The following RSU1 variants were observed in gnomAD, a reference collection of about 807,000 sequenced individuals.
RSU1 encodes the protein Ras suppressor protein 1.
RSU1 carries 26 observed loss-of-function variants against 31.1 expected under a neutral mutation model. The ratio of observed to expected loss-of-function variants is 0.84; its 90% CI spans 0.61 to 1.16. The LOEUF (loss-of-function observed/expected upper bound fraction) is 1.16. RSU1 is among the 50% of genes most tolerant of loss of function. The probability of loss-of-function intolerance (pLI) is 0.00; values close to 1 mark genes in which losing one functional copy is unlikely to be tolerated. For missense variants in RSU1, 320 were observed against 339.1 expected (o/e 0.94, Z 0.44); for synonymous variants, 164 against 136.3 (o/e 1.20, Z -1.41).
chr10:16,676,341 T>C (rs985556943), intron 8 of RSU1, among the ~76,000 whole-genome samples: 29 of 152,330 alleles, frequency 1.9e-4, no homozygotes, highest in African/African-American at 6.7e-4. Context: ...ACATCTTACA[T>C]GGTGGCAGGC....
chr10:16,710,710 C>T (rs1251281603), intron 7 of RSU1, among the ~76,000 whole-genome samples: 1 of 151,816 alleles, frequency 6.6e-6, no homozygotes, highest in Non-Finnish European at 1.5e-5. Flanking sequence ...GATATATGTG[C>T]AGAAAGTGCA....
chr10:16,641,502 A>AAG (rs1554762080), intron 8 of RSU1, among the ~76,000 whole-genome samples: 48 of 150,840 alleles, frequency 3.2e-4, no homozygotes, highest in Middle Eastern at 3.4e-3. Context: ...AAAAAAAAAA[A>AAG]AAAAAATTAA....
At chr10:16,723,073 T>C (rs552348433) in intron 7 of RSU1, 1 of 151,676 alleles carries the variant, frequency 6.6e-6, no homozygotes, top group South Asian at 2.1e-4. Context: ...TCATGTGATA[T>C]ATATATATAC....
At chr10:16,714,964 C>A (rs1040289351) in intron 7 of RSU1, among the ~76,000 whole-genome samples, 1 of 152,276 alleles carries the variant, frequency 6.6e-6, no homozygotes, top group African/African-American at 2.4e-5. Context: ...TTTCTGGTGG[C>A]AATGGGGACT....
intron 7 of RSU1, among the ~76,000 whole-genome samples, chr10:16,722,866 A>ATG (rs1193346022): frequency 1.5e-3 from 211 of 143,376 alleles, no homozygotes; most frequent in Non-Finnish European, 2.5e-3. Flanking sequence ...ATATACATAT[A>ATG]TGTATATATA....
chr10:16,717,191 G>A lies in RSU1; in HGVS notation c.599-22036C>T, dbSNP rs142283696. On this transcript the variant is annotated intron_variant, in intron 7 of 8. Transcript: ENST00000345264. The stretch of plus-strand genomic sequence containing the variant: ...ATGGCTTGTTTCAGCTTTGCTTCCC[G>A]CTCTGGGGCTTATATTTTTATTACT... Among the ~76,000 whole-genome samples the A allele has an allele frequency of 3.8e-3, 575 of 152,110 alleles. 5 individuals carry two copies. Among genetic ancestry groups the A allele is most frequent in the Middle Eastern group, 0.014 (4 of 294 alleles).
intron 8 of RSU1, among the ~76,000 whole-genome samples, chr10:16,664,578 T>A (rs1338475995): frequency 6.6e-6 from 1 of 152,160 alleles, no homozygotes; most frequent in Non-Finnish European, 1.5e-5. Context: ...GAGACCTGGG[T>A]TAGAGTCTGC....
chr10:16,767,993 A>G (rs1211205173), intron 3 of RSU1, among the ~76,000 whole-genome samples: 1 of 152,232 alleles, frequency 6.6e-6, no homozygotes, highest in Admixed American at 6.5e-5. Context: ...ACCAGTCAAA[A>G]TATTCTACTG....
chr10:16,659,775 C>T (rs1834855660), intron 8 of RSU1, among the ~76,000 whole-genome samples: 1 of 152,194 alleles, frequency 6.6e-6, no homozygotes, highest in Admixed American at 6.5e-5. Context: ...ATTAGCTTGT[C>T]AATTTGAACT....
chr10:16,723,964 G>C (rs1442954533), intron 7 of RSU1, among the ~76,000 whole-genome samples: 1 of 151,936 alleles, frequency 6.6e-6, no homozygotes, highest in Non-Finnish European at 1.5e-5. Flanking sequence ...TTTTGAGATG[G>C]GGTTTCACTG....
At chr10:16,802,124 ATC>A (rs1838169035) in intron 2 of RSU1, among the ~76,000 whole-genome samples, 1 of 151,030 alleles carries the variant, frequency 6.6e-6, no homozygotes, top group South Asian at 2.1e-4. Context: ...AATAGAGAAA[ATC>A]TCTGAGTACA....
At chr10:16,722,875 T>C (rs902048580) in intron 7 of RSU1, among the ~76,000 whole-genome samples, 33 of 136,940 alleles carry the variant, frequency 2.4e-4, no homozygotes, top group East Asian at 6.6e-4. Flanking sequence ...TATGTATATA[T>C]ACACACATAT....
intron 7 of RSU1, among the ~76,000 whole-genome samples, chr10:16,706,667 A>G (rs963805118): frequency 6.6e-6 from 1 of 152,212 alleles, no homozygotes; most frequent in Non-Finnish European, 1.5e-5. Context: ...TCTATGCTAT[A>G]TAATTATCCA....
chr10:16,785,471 C>CATATAT (rs1564357346), intron 2 of RSU1, among the ~76,000 whole-genome samples: 19 of 137,124 alleles, frequency 1.4e-4, no homozygotes, highest in South Asian at 1.3e-3. Context: ...TATATATATA[C>CATATAT]ACATATATAC....
chr10:16,625,391 T>C (rs909009519), intron 8 of RSU1, among the ~76,000 whole-genome samples: 2 of 152,154 alleles, frequency 1.3e-5, no homozygotes, highest in Non-Finnish European at 2.9e-5. Flanking sequence ...CTTTTTAAAC[T>C]AGAAAAGATC....
chr10:16,616,826 C>G (rs1833985478), intron 8 of RSU1, among the ~76,000 whole-genome samples: 1 of 152,164 alleles, frequency 6.6e-6, no homozygotes. Context: ...TCCCATCATG[C>G]TAAAAACTCT....
At chr10:16,614,855 A>C (rs909392214) in intron 8 of RSU1, among the ~76,000 whole-genome samples, 2 of 152,044 alleles carry the variant, frequency 1.3e-5, no homozygotes, top group African/African-American at 4.8e-5. Flanking sequence ...TAAAATGGGC[A>C]TTCCCTGCCT....
chr10:16,732,130 A>C (rs1330618059), intron 7 of RSU1, among the ~76,000 whole-genome samples: 1 of 149,814 alleles, frequency 6.7e-6, no homozygotes, highest in Non-Finnish European at 1.5e-5. Context: ...AGCAGTTCTG[A>C]TGAGTGCTCA....
At chr10:16,740,431 G>T (rs1836727212) in intron 7 of RSU1, among the ~76,000 whole-genome samples, 1 of 152,168 alleles carries the variant, frequency 6.6e-6, no homozygotes, top group African/African-American at 2.4e-5. Flanking sequence ...TTCCCCTTAA[G>T]ATTTAAGACA....
Sources: allele counts gnomAD v4.1 joint callset (sites outside exome capture counted in the v4.1 genomes callset), GRCh38; gene constraint gnomAD v4.1.1; transcripts MANE v1.5; gene names NCBI Gene and HGNC (gene_info 2026-07-23, HGNC 2026-07-21).